The following SRBD1 variants were observed in gnomAD, a reference collection of about 807,000 sequenced individuals.
The protein encoded by SRBD1 is S1 RNA-binding domain-containing protein 1.
Under a neutral mutation model 115.3 loss-of-function variants are expected in SRBD1, and 88 were observed. That is an observed-to-expected ratio of 0.76 (90% CI 0.64 to 0.91). SRBD1 has a LOEUF of 0.91. Ranked by LOEUF, SRBD1 falls within the 40% of genes least tolerant of loss-of-function variation. SRBD1 has a pLI of 0.00. For synonymous variants in SRBD1, 509 were observed against 407.7 expected, an observed-to-expected ratio of 1.25 and a Z score of -2.99; for missense variants, 1,385 against 1,177.4, an observed-to-expected ratio of 1.18 and a Z score of -2.58.
chr2:45,468,437 G>C (rs1206816933), intron 16 of SRBD1, among the ~76,000 whole-genome samples: 1 of 151,268 alleles, frequency 6.6e-6, no homozygotes, highest in Non-Finnish European at 1.5e-5. Flanking sequence ...GCCCTGGCTG[G>C]AGTGCAGTGG....
At chr2:45,610,816 T>C (rs901758992) in intron 1 of SRBD1, among the ~76,000 whole-genome samples, 2 of 151,966 alleles carry the variant, frequency 1.3e-5, no homozygotes, top group African/African-American at 4.8e-5. Context: ...TAGCCCCAGC[T>C]ACTCGGGAGG....
intron 14 of SRBD1, among the ~76,000 whole-genome samples, chr2:45,511,794 G>A (rs1670979818): frequency 6.6e-6 from 1 of 152,158 alleles, no homozygotes; most frequent in Admixed American, 6.5e-5. Context: ...CAGATACCAA[G>A]CTTTTTGGCA....
chr2:45,475,003 A>C (rs1246626096), intron 16 of SRBD1, among the ~76,000 whole-genome samples: 1 of 152,210 alleles, frequency 6.6e-6, no homozygotes, highest in Non-Finnish European at 1.5e-5. Context: ...TATTTGCTGA[A>C]CAGTGAGTAG....
intron 16 of SRBD1, among the ~76,000 whole-genome samples, chr2:45,452,500 T>C (rs1051775083): frequency 6.6e-6 from 1 of 152,016 alleles, no homozygotes; most frequent in Admixed American, 6.6e-5. Flanking sequence ...CAAAGAGCTA[T>C]AACTCATGTT....
intron 9 of SRBD1, among the ~76,000 whole-genome samples, chr2:45,565,460 G>A (rs374304879): frequency 3.9e-5 from 6 of 152,008 alleles, no homozygotes; most frequent in Admixed American, 2.0e-4. Context: ...CCTACTTCAC[G>A]CTATACATAA....
intron 16 of SRBD1, among the ~76,000 whole-genome samples, chr2:45,421,364 G>A (rs755133289): frequency 9.2e-5 from 14 of 151,696 alleles, no homozygotes; most frequent in East Asian, 7.8e-4. Flanking sequence ...AAAATTAGCC[G>A]TGCGCCGTGG....
chr2:45,520,258 T>C (rs1224010570), intron 14 of SRBD1, among the ~76,000 whole-genome samples: 1 of 152,220 alleles, frequency 6.6e-6, no homozygotes, highest in East Asian at 1.9e-4. Context: ...AGCCCATGTC[T>C]GCAGGAGCAC....
At chr2:45,389,857 AT>A (rs1452136221) in intron 20 of SRBD1, among the ~76,000 whole-genome samples, 1 of 152,226 alleles carries the variant, frequency 6.6e-6, no homozygotes, top group East Asian at 1.9e-4. Flanking sequence ...ATACATAAGG[AT>A]CGAGAAGACA....
At chr2:45,535,845 C>A (rs556468750) in intron 14 of SRBD1, among the ~76,000 whole-genome samples, 1 of 151,968 alleles carries the variant, frequency 6.6e-6, no homozygotes, top group South Asian at 2.1e-4. Context: ...TCTCTTTACC[C>A]AAAGATAATC....
chr2:45,578,703 C>T (rs1673252550), intron 7 of SRBD1, among the ~76,000 whole-genome samples: 1 of 151,640 alleles, frequency 6.6e-6, no homozygotes, highest in Admixed American at 6.6e-5. Flanking sequence ...GAGGTGGGGG[C>T]GGGGTGGAAA....
chr2:45,534,230 G>A (rs1271574893), intron 14 of SRBD1, among the ~76,000 whole-genome samples: 1 of 151,822 alleles, frequency 6.6e-6, no homozygotes, highest in Non-Finnish European at 1.5e-5. Flanking sequence ...ATACTTCACT[G>A]AAATGGTCTA....
At chr2:45,446,302 T>C (rs1018532414) in intron 16 of SRBD1, among the ~76,000 whole-genome samples, 1 of 152,172 alleles carries the variant, frequency 6.6e-6, no homozygotes, top group African/African-American at 2.4e-5. Flanking sequence ...CCCTGCTTCA[T>C]AATGTCTTTA....
rs796569266 is a variant in SRBD1, at chr2:45,488,460, A to G, written c.1875-129T>C. On this transcript the variant is annotated intron_variant, in intron 14 of 20. Coordinates refer to ENST00000263736, the MANE Select transcript of SRBD1 (RefSeq NM_018079.5). ...GGCAAACTGTTCTCTTCATATCTCA[A>G]TGATACTGACAGCATCTAATATTTC... 1.3e-5 allele frequency: 8 copies of G among 632,604 alleles called. No individual in the cohort carries two copies. In the South Asian group the frequency reaches 1.4e-4, roughly 11 times the overall value. 39.2% of individuals were successfully genotyped at this position (632,604 alleles called of 1,614,324 possible).
intron 15 of SRBD1, among the ~76,000 whole-genome samples, chr2:45,480,972 A>C (rs1669945995): frequency 2.0e-5 from 3 of 152,326 alleles, no homozygotes; most frequent in Non-Finnish European, 4.4e-5. Context: ...TTGTTGTCTT[A>C]TTTTAAGAAA....
At chr2:45,593,153 T>C (rs761523982) in intron 4 of SRBD1, among the ~76,000 whole-genome samples, 4 of 152,190 alleles carry the variant, frequency 2.6e-5, no homozygotes, top group Non-Finnish European at 5.9e-5. Flanking sequence ...TGACTGTTGT[T>C]TTAGGCTAAT....
intron 7 of SRBD1, among the ~76,000 whole-genome samples, chr2:45,575,226 T>G (rs1673141102): frequency 6.6e-6 from 1 of 152,248 alleles, no homozygotes; most frequent in Non-Finnish European, 1.5e-5. Flanking sequence ...TTTTCACATT[T>G]TCAACGACCC....
intron 18 of SRBD1, among the ~76,000 whole-genome samples, chr2:45,417,478 G>C (rs1667867148): frequency 6.6e-6 from 1 of 152,136 alleles, no homozygotes; most frequent in Non-Finnish European, 1.5e-5. Context: ...AATTTCCACA[G>C]CTTTATAATG....
chr2:45,465,579 A>G (rs1669462691), intron 16 of SRBD1, among the ~76,000 whole-genome samples: 1 of 152,238 alleles, frequency 6.6e-6, no homozygotes, highest in African/African-American at 2.4e-5. Flanking sequence ...TCAAAGTATA[A>G]GACTGGAAGA....
intron 16 of SRBD1, among the ~76,000 whole-genome samples, chr2:45,442,572 C>A (rs187430237): frequency 6.6e-6 from 1 of 152,306 alleles, no homozygotes; most frequent in East Asian, 1.9e-4. Flanking sequence ...ACTAACTCCT[C>A]TTTACCAGGG....
Sources: gnomAD v4.1 joint callset for allele counts (sites outside exome capture counted in the v4.1 genomes callset) on GRCh38, gnomAD v4.1.1 for gene constraint, MANE v1.5 for transcripts, NCBI Gene and HGNC (gene_info 2026-07-23, HGNC 2026-07-21) for gene names.